PRSS48: variants seen among roughly 807,000 people sequenced by gnomAD.
PRSS48 encodes the protein serine protease 48, also known as epidermis-specific serine protease-like protein.
In PRSS48, 21 loss-of-function variants were observed where a neutral mutation model predicts 25.6. The ratio of observed to expected loss-of-function variants is 0.82; its 90% CI spans 0.58 to 1.18. PRSS48 has a LOEUF of 1.18. PRSS48 is among the 50% of genes most tolerant of loss of function. The pLI is 0.00. For missense variants in PRSS48, 373 were observed against 399.3 expected, an observed-to-expected ratio of 0.93 and a Z score of 0.56; for synonymous variants, 150 against 149.3, an observed-to-expected ratio of 1.00 and a Z score of -0.04.
At chr4:151,289,419 C>T (rs1177700455) in intron 4 of PRSS48, among the ~76,000 whole-genome samples, 1 of 152,068 alleles carries the variant, frequency 6.6e-6, no homozygotes, top group Non-Finnish European at 1.5e-5. Flanking sequence ...TCAATGGACA[C>T]CATCAACAAA....
chr4:151,282,529 T>C, intron 3 of PRSS48, 116 bp downstream of exon 3: 1 of 977,428 alleles, frequency 1.0e-6, no homozygotes, highest in Non-Finnish European at 1.5e-6. Context: ...ACCAGATCAA[T>C]CTAATGATAT....
At chr4:151,282,325 G>A in exon 3 of PRSS48, 1 of 1,613,918 alleles carries the variant, frequency 6.2e-7, no homozygotes, top group East Asian at 2.2e-5. Flanking sequence ...CTGCCATCCT[G>A]CCTATTTGCT....
intron 2 of PRSS48, among the ~76,000 whole-genome samples, chr4:151,281,321 C>T (rs1307871545): frequency 1.3e-5 from 2 of 152,080 alleles, no homozygotes; most frequent in South Asian, 2.1e-4. Context: ...AGAAGCAAAA[C>T]GTTTTATAAG....
exon 5 of PRSS48, chr4:151,291,287 T>C: frequency 6.2e-7 from 1 of 1,614,010 alleles, no homozygotes; most frequent in Non-Finnish European, 8.5e-7. Context: ...AATCTAGACT[T>C]CTCTGACTTC....
At chr4:151,282,498 T>A in intron 3 of PRSS48, 85 bp downstream of exon 3, 3 of 1,416,906 alleles carry the variant, frequency 2.1e-6, no homozygotes, top group Non-Finnish European at 2.9e-6. Context: ...ATCCTTACCA[T>A]GGAAAATATT....
chr4:151,291,362 C>T (rs1223795360), exon 5 of PRSS48: 1 of 1,613,980 alleles, frequency 6.2e-7, no homozygotes, highest in Non-Finnish European at 8.5e-7. Context: ...GGACCTAACA[C>T]TATACACAGA....
At chr4:151,291,567 A>G, downstream of PRSS48, 1 of 663,162 alleles carries the variant, frequency 1.5e-6, no homozygotes, top group East Asian at 2.7e-5. Flanking sequence ...AGAGTTAAGA[A>G]ATAAAACTGT....
At chr4:151,280,302 T>C (rs1774092433) in intron 2 of PRSS48, among the ~76,000 whole-genome samples, 1 of 152,154 alleles carries the variant, frequency 6.6e-6, no homozygotes, top group Non-Finnish European at 1.5e-5. Flanking sequence ...TGAGTGTCCC[T>C]ATGGAGAGGC....
At chr4:151,281,154 G>T (rs748910092) in intron 2 of PRSS48, among the ~76,000 whole-genome samples, 1 of 151,924 alleles carries the variant, frequency 6.6e-6, no homozygotes, top group Non-Finnish European at 1.5e-5. Context: ...GAGAGCAGAG[G>T]GCTCCAAAAA....
rs774493690 is a variant in PRSS48, at chr4:151,277,212, C to T, written c.40C>T (p.Leu14=). ...CTGTGCCTTCACGCTGCTCCTTCTG[C>T]TGGGGATCTCAGGTGAGCGCCAGGG... Residue 14 remains leucine (L), a synonymous_variant, in exon 1 of 5, where the codon CTG becomes TTG. Coordinates refer to ENST00000455694, the Ensembl canonical transcript of PRSS48. The T allele has an allele frequency of 8.7e-6, 13 of 1,502,882 alleles. No homozygotes were observed. In the South Asian group the frequency reaches 1.5e-4, roughly 17 times the overall value. The allele number at this position is 1,502,882 out of a possible 1,614,324, so 93.1% of individuals were successfully genotyped here. A position where few individuals can be genotyped will look rare whatever the true frequency, so the allele number is the denominator to read the frequency against.
intron 3 of PRSS48, among the ~76,000 whole-genome samples, chr4:151,282,914 C>A (rs1187376571): frequency 1.3e-5 from 2 of 151,976 alleles, no homozygotes; most frequent in Non-Finnish European, 2.9e-5. Flanking sequence ...TAAAAAAAAA[C>A]CTCAAAGAAG....
rs779455437 is a variant in PRSS48, at chr4:151,291,345, T to C, written c.879T>C (p.Cys293=). ...CTCTGGCTCTCCTGCGTCCCTCCTG[T>C]GCCTTTGGACCTAACACTATACACA... The change falls in exon 5 of 5, where the codon TGT becomes TGC. Residue 293 remains cysteine (C), a synonymous_variant. Coordinates refer to ENST00000455694, the Ensembl canonical transcript of PRSS48. The C allele has an allele frequency of 6.2e-6, 10 of 1,613,900 alleles. No homozygotes were observed. The African/African-American group carries it at 1.3e-4, about 22-fold the overall frequency.
Position 151,282,449 on chromosome 4 carries a change from T to A in PRSS48, c.481+36T>A, listed in dbSNP as rs367571113. On this transcript the variant is annotated intron_variant, in intron 3 of 4. Coordinates refer to ENST00000455694, the Ensembl canonical transcript of PRSS48. ...GCAGAGAGAAGGGTTGTTTCATATG[T>A]CATCCTCTTGTACTCCAGAACATTC... 21 of 1,608,170 alleles carry A rather than the reference T, an allele frequency of 1.3e-5. No homozygotes were observed. In the African/African-American group the frequency reaches 2.0e-4, roughly 15 times the overall value.
In PRSS48 at chr4:151,279,966, C is replaced by T. The variant is rs751310804; in HGVS notation, c.215+8C>T. The T allele has an allele frequency of 1.4e-6, 2 of 1,461,800 alleles. No individual in the cohort carries two copies. Among genetic ancestry groups the T allele is most frequent in the Non-Finnish European group, 1.8e-6 (2 of 1,088,584 alleles). The allele number at this position is 1,461,800 out of a possible 1,614,324, so 90.6% of individuals were successfully genotyped here. A position where few individuals can be genotyped will look rare whatever the true frequency, so the allele number is the denominator to read the frequency against. ...AGCACACTGCATACAACCGTGAGTT[C>T]TAGCTGGCAGCTAACACACAGACAG... On this transcript the variant is annotated splice_region_variant and intron_variant, in intron 2 of 4. Transcript: ENST00000455694.
At position 151,291,319 on chromosome 4, in the gene PRSS48, T is replaced by G. The variant is rs763161574; in HGVS notation, c.853T>G (p.Ser285Ala). The G allele has an allele frequency of 2.5e-6, 4 of 1,613,940 alleles. No individual in the cohort carries two copies. In the Admixed American group the frequency reaches 6.7e-5, roughly 27 times the overall value. ...CTTCTTGTTCCCTATTGTCCTACTC[T>G]CTCTGGCTCTCCTGCGTCCCTCCTG... The change falls in exon 5 of 5, where the codon TCT becomes GCT. Residue 285 changes from serine to alanine, a missense_variant. Coordinates refer to ENST00000455694, the Ensembl canonical transcript of PRSS48.
At chr4:151,280,944 C>G (rs72967575) in intron 2 of PRSS48, among the ~76,000 whole-genome samples, 1,807 of 152,146 alleles carry the variant, frequency 0.012, 25 homozygotes, top group African/African-American at 0.038. Context: ...ATACACAAAG[C>G]AGCAAAAATG....
intron 4 of PRSS48, among the ~76,000 whole-genome samples, chr4:151,283,556 C>T (rs1580402513): frequency 1.4e-5 from 2 of 146,114 alleles, no homozygotes; most frequent in East Asian, 4.0e-4. Context: ...CTTGCTCTGT[C>T]ACCCAGGCTT....
chr4:151,287,614 T>C (rs1403216516), intron 4 of PRSS48, among the ~76,000 whole-genome samples: 1 of 152,050 alleles, frequency 6.6e-6, no homozygotes, highest in African/African-American at 2.4e-5. Context: ...GGGTTCTTTT[T>C]AGGATGTGGT....
chr4:151,282,990 T>C (rs1048276756), intron 3 of PRSS48, 127 bp from the exon 4 acceptor site: 1 of 713,478 alleles, frequency 1.4e-6, no homozygotes, highest in African/African-American at 1.8e-5. Flanking sequence ...CATAAGCAAA[T>C]ATGATTGGAA....
Sources: gnomAD v4.1 joint callset for allele counts (sites outside exome capture counted in the v4.1 genomes callset) on GRCh38, gnomAD v4.1.1 for gene constraint, MANE v1.5 for transcripts, NCBI Gene and HGNC (gene_info 2026-07-23, HGNC 2026-07-21) for gene names.